CAPZA1: variants seen among roughly 807,000 people sequenced by gnomAD.
The protein encoded by CAPZA1 is capping actin protein of muscle Z-line subunit alpha 1, also known as F-actin-capping protein subunit alpha-1.
A neutral mutation model predicts 40.8 loss-of-function variants in CAPZA1; 10 were observed. That is an observed-to-expected ratio of 0.25 (90% CI 0.15 to 0.42). The LOEUF is 0.42. Among genes scored for constraint, CAPZA1 ranks in the 10% least tolerant of loss-of-function variants. The pLI is 1.00. For missense variants in CAPZA1, 277 were observed against 353.8 expected (o/e 0.78, Z 1.74); for synonymous variants, 98 against 115.0 (o/e 0.85, Z 0.95).
Position 112,670,280 on chromosome 1 carries a change from C to T in CAPZA1, c.*148C>T. The T allele has an allele frequency of 1.3e-6, 1 of 772,634 alleles. No individual in the cohort carries two copies. Among genetic ancestry groups the T allele is most frequent in the Non-Finnish European group, 2.1e-6 (1 of 485,592 alleles). The allele number at this position is 772,634 out of a possible 1,614,324, so 47.9% of individuals were successfully genotyped here. Reference sequence around the variant, plus strand: ...TCTAGCCTCATGGAATACTGTTGAACCTATAGCGTTGTCTTGATTCTTTTG... The same window carrying T: ...TCTAGCCTCATGGAATACTGTTGAATCTATAGCGTTGTCTTGATTCTTTTG... On this transcript the variant is annotated 3_prime_UTR_variant, in exon 10 of 10. Coordinates refer to ENST00000263168, the MANE Select transcript of CAPZA1 (RefSeq NM_006135.3).
chr1:112,642,651 C>T (rs1446081196), intron 1 of CAPZA1, among the ~76,000 whole-genome samples: 5 of 152,126 alleles, frequency 3.3e-5, no homozygotes, highest in Non-Finnish European at 5.9e-5. Context: ...CTTATCCAGT[C>T]TTCGGTCTTT....
rs1471629594 is a variant in CAPZA1 at position 112,659,356 on chromosome 1, G to T, written c.506+255G>T. ...AAATCTGAGTTTTACTTGGCTTAGG[G>T]TTACTGCTACTTGAGTTAATTGTGT... On this transcript the variant is annotated intron_variant, in intron 6 of 9. Transcript: ENST00000263168. 4.1e-5 allele frequency: 22 copies of T among 540,296 alleles called. No individual in the cohort carries two copies. In the Admixed American group the frequency reaches 5.5e-4, roughly 14 times the overall value. 33.5% of individuals were successfully genotyped at this position (540,296 alleles called of 1,614,324 possible).
intron 1 of CAPZA1, 46 bp from the exon 2 acceptor site, chr1:112,647,164 G>T: frequency 1.1e-6 from 1 of 883,252 alleles, no homozygotes. Flanking sequence ...CCTTTTATAT[G>T]TTACTCTTCA....
intron 1 of CAPZA1, among the ~76,000 whole-genome samples, chr1:112,638,276 G>GT (rs1394083424): frequency 2.0e-5 from 3 of 152,110 alleles, no homozygotes; most frequent in Admixed American, 6.6e-5. Flanking sequence ...AGTGGTATGA[G>GT]TGGAGGAATT....
chr1:112,662,252 G>A (rs529548180), intron 7 of CAPZA1, among the ~76,000 whole-genome samples: 7 of 152,158 alleles, frequency 4.6e-5, no homozygotes, highest in Admixed American at 1.3e-4. Flanking sequence ...AGTGCTACAA[G>A]CACATACCAC....
intron 5 of CAPZA1, among the ~76,000 whole-genome samples, chr1:112,657,275 C>T (rs1025280548): frequency 3.3e-5 from 5 of 152,098 alleles, no homozygotes; most frequent in African/African-American, 1.2e-4. Context: ...ATTTCTCCTT[C>T]TTTGTCTGCC....
chr1:112,642,132 C>T (rs1671180435), intron 1 of CAPZA1, among the ~76,000 whole-genome samples: 2 of 150,090 alleles, frequency 1.3e-5, no homozygotes, highest in South Asian at 4.2e-4. Context: ...CTCGGAATGC[C>T]TTCCTTGATC....
At chr1:112,621,835 C>T (rs1287612492) in intron 1 of CAPZA1, among the ~76,000 whole-genome samples, 1 of 143,428 alleles carries the variant, frequency 7.0e-6, no homozygotes, top group African/African-American at 2.6e-5. Context: ...GATCTCCGCT[C>T]GCTGCAACCT....
intron 2 of CAPZA1, among the ~76,000 whole-genome samples, chr1:112,647,538 A>G (rs1485620788): frequency 1.3e-5 from 2 of 152,262 alleles, no homozygotes; most frequent in African/African-American, 4.8e-5. Flanking sequence ...ATTAGTATCA[A>G]TAAATGTAGA....
chr1:112,649,698 T>C (rs1395245872), intron 3 of CAPZA1: 1 of 535,776 alleles, frequency 1.9e-6, no homozygotes, highest in Non-Finnish European at 3.2e-6. Context: ...CTGCCCACAT[T>C]TGCCCGATTA....
chr1:112,666,320 C>T (rs1405838250), intron 7 of CAPZA1, among the ~76,000 whole-genome samples: 1 of 152,102 alleles, frequency 6.6e-6, no homozygotes, highest in Admixed American at 6.5e-5. Flanking sequence ...TAGGTGACAA[C>T]TACTGTTTTC....
chr1:112,653,556 T>TC, intron 3 of CAPZA1, 42 bp from the exon 4 acceptor site: 3 of 1,208,254 alleles, frequency 2.5e-6, no homozygotes, highest in Middle Eastern at 2.5e-4. Flanking sequence ...TCTCTCTCCC[T>TC]CTTTTTTTTT....
chr1:112,658,178 A>AT (rs1044777170), intron 5 of CAPZA1, among the ~76,000 whole-genome samples: 5 of 150,498 alleles, frequency 3.3e-5, no homozygotes, highest in South Asian at 2.1e-4. Flanking sequence ...ATAAAGCGCT[A>AT]TTTTTTTTTT....
chr1:112,654,495 A>C lies in CAPZA1; in HGVS notation c.250A>C (p.Asn84His). 1 of 1,613,866 alleles carries C rather than the reference A, an allele frequency of 6.2e-7. No homozygotes were observed. Among genetic ancestry groups the C allele is most frequent in the Non-Finnish European group, 8.5e-7 (1 of 1,179,780 alleles). ...AATTACAGAGCACGGTGACCTGGGTAATAGCAGATTTTTAGATCCAAGAAA... is the reference window on the plus strand; with the variant it reads ...AATTACAGAGCACGGTGACCTGGGTCATAGCAGATTTTTAGATCCAAGAAA... ...VLITEHGDLG[N>H]SRFLDPRNKI... Residue 84 changes from asparagine to histidine, a missense_variant, in exon 5 of 10, where the codon AAT becomes CAT. Transcript: ENST00000263168.
rs1181751090 is a variant in CAPZA1 at position 112,670,570 on chromosome 1, C to G, written c.*438C>G. 6.4e-6 allele frequency: 1 copy of G among 156,550 alleles called. No individual in the cohort carries two copies. Among genetic ancestry groups the G allele is most frequent in the Non-Finnish European group, 1.4e-5 (1 of 70,860 alleles). The allele number at this position is 156,550 out of a possible 1,614,324, so 9.7% of individuals were successfully genotyped here. A position where few individuals can be genotyped will look rare whatever the true frequency, so the allele number is the denominator to read the frequency against. On this transcript the variant is annotated 3_prime_UTR_variant, in exon 10 of 10. Coordinates refer to ENST00000263168, the MANE Select transcript of CAPZA1 (RefSeq NM_006135.3). ...GTCGTTTTTACTGATCCACCAACAC[C>G]TAAAGAGGCTATGCTACAGTCTCTA...
At chr1:112,642,034 C>T (rs1671178537) in intron 1 of CAPZA1, among the ~76,000 whole-genome samples, 1 of 151,586 alleles carries the variant, frequency 6.6e-6, no homozygotes, top group South Asian at 2.1e-4. Context: ...TGACAAGTCA[C>T]ATTGTTTTAC....
intron 1 of CAPZA1, among the ~76,000 whole-genome samples, chr1:112,621,761 GTTTT>G (rs11418884): frequency 1.6e-5 from 2 of 122,904 alleles, no homozygotes; most frequent in Non-Finnish European, 1.6e-5. Context: ...TTGGGTTATG[GTTTT>G]TTTTTTTTTT....
chr1:112,658,397 G>T (rs540450674), intron 5 of CAPZA1, among the ~76,000 whole-genome samples: 1 of 152,194 alleles, frequency 6.6e-6, no homozygotes, highest in South Asian at 2.1e-4. Flanking sequence ...TACATTCTGT[G>T]TGCAACTCTT....
At position 112,671,015 on chromosome 1, in the gene CAPZA1, A is replaced by G. The variant is rs1253504489; in HGVS notation, c.*883A>G. On this transcript the variant is annotated 3_prime_UTR_variant, in exon 10 of 10. Coordinates refer to ENST00000263168, the MANE Select transcript of CAPZA1 (RefSeq NM_006135.3). ...TATGGCAGGATTGTACTATAAGCAA[A>G]TGAATTAAACAGCTATGTAAATCAT... is the stretch of plus-strand genomic sequence containing the variant. 1.3e-5 allele frequency: 2 copies of G among 152,656 alleles called. No individual in the cohort carries two copies. The highest frequency in any genetic ancestry group is 3.8e-4 in the East Asian group (2 of 5,208). 9.5% of individuals were successfully genotyped at this position (152,656 alleles called of 1,614,324 possible).
Sources: allele counts gnomAD v4.1 joint callset (sites outside exome capture counted in the v4.1 genomes callset), GRCh38; gene constraint gnomAD v4.1.1; transcripts MANE v1.5; gene names NCBI Gene and HGNC (gene_info 2026-07-23, HGNC 2026-07-21).